The following SDK1 variants were observed in gnomAD, a reference collection of about 807,000 sequenced individuals.
SDK1 encodes sidekick cell adhesion molecule 1.
Under a neutral mutation model 245.5 loss-of-function variants are expected in SDK1, and 157 were observed. That is an observed-to-expected ratio of 0.64 (90% CI 0.56 to 0.73). SDK1 has a LOEUF of 0.73. SDK1 is among the 30% of genes least tolerant of loss of function. The pLI, the probability that SDK1 is intolerant of heterozygous loss-of-function variation, is 0.00. For missense variants in SDK1, 3,583 were observed against 3,002.3 expected, an observed-to-expected ratio of 1.19 and a Z score of -4.52; for synonymous variants, 1,647 against 1,278.5, an observed-to-expected ratio of 1.29 and a Z score of -6.15.
At position 4,213,011 on chromosome 7, in the gene SDK1, G is replaced by T. The variant is rs144004704; in HGVS notation, c.5539+2849G>T. Among the ~76,000 whole-genome samples, 1,189 of 152,262 alleles carry T rather than the reference G, an allele frequency of 7.8e-3. 50 individuals carry two copies. The highest frequency in any genetic ancestry group is 9.3e-3 in the East Asian group (48 of 5,168). The stretch of plus-strand genomic sequence containing the variant: ...TGTGAGAAAGTGCTTCATGGGCTGG[G>T]CGCAGGGGCCTGTAATCCCAGCACT... On this transcript the variant is annotated intron_variant, in intron 38 of 44. Coordinates refer to ENST00000404826, the MANE Select transcript of SDK1 (RefSeq NM_152744.4).
chr7:3,352,814 A>T (rs374965985), intron 1 of SDK1, among the ~76,000 whole-genome samples: 5 of 152,072 alleles, frequency 3.3e-5, no homozygotes, highest in African/African-American at 1.2e-4. Context: ...GCATGAAAAA[A>T]TTGAGGTATT....
chr7:3,768,814 C>G (rs1310637274), intron 4 of SDK1, among the ~76,000 whole-genome samples: 1 of 152,296 alleles, frequency 6.6e-6, no homozygotes, highest in East Asian at 1.9e-4. Flanking sequence ...CTCATTCTAC[C>G]CTCTCCATGA....
At chr7:3,308,410 CT>C (rs1302504490) in intron 1 of SDK1, among the ~76,000 whole-genome samples, 2 of 152,068 alleles carry the variant, frequency 1.3e-5, no homozygotes, top group African/African-American at 4.8e-5. Context: ...TCATTAGGGG[CT>C]TTTAGTAAAA....
intron 1 of SDK1, among the ~76,000 whole-genome samples, chr7:3,548,667 C>T (rs1336638176): frequency 6.6e-6 from 1 of 152,220 alleles, no homozygotes; most frequent in Admixed American, 6.5e-5. Flanking sequence ...TCCAGAAAGG[C>T]TGTGCTAAAT....
intron 1 of SDK1, among the ~76,000 whole-genome samples, chr7:3,607,396 C>T (rs766786500): frequency 1.4e-4 from 21 of 152,164 alleles, no homozygotes; most frequent in Non-Finnish European, 2.5e-4. Context: ...TTAGTAAAAC[C>T]GACTATACTA....
At chr7:4,122,366 G>GT (rs1784121844) in intron 25 of SDK1, among the ~76,000 whole-genome samples, 1 of 152,166 alleles carries the variant, frequency 6.6e-6, no homozygotes, top group Admixed American at 6.6e-5. Flanking sequence ...GGGCTGAATG[G>GT]TGAGTGGACC....
Position 3,624,425 on chromosome 7 carries a change from C to G in SDK1, c.458+5186C>G, listed in dbSNP as rs192391735. On this transcript the variant is annotated intron_variant, in intron 2 of 44. Coordinates refer to ENST00000404826, the MANE Select transcript of SDK1 (RefSeq NM_152744.4). ...TGTTGCCTAGGCTGGTCTCAAACTC[C>G]TGGCCTCAAGTGATCTGCCAGCCTT... Among the ~76,000 whole-genome samples, 591 of 152,186 alleles carry G rather than the reference C, an allele frequency of 3.9e-3. 6 individuals are homozygous for G. Among genetic ancestry groups the G allele is most frequent in the African/African-American group, 0.013 (536 of 41,540 alleles).
At chr7:3,323,995 G>A (rs532990151) in intron 1 of SDK1, among the ~76,000 whole-genome samples, 1 of 152,280 alleles carries the variant, frequency 6.6e-6, no homozygotes, top group Admixed American at 6.5e-5. Flanking sequence ...ATTCCTCTGT[G>A]TGTTACAAGA....
Position 4,150,565 on chromosome 7 carries a change from C to A in SDK1, c.4625+1102C>A, listed in dbSNP as rs574405355. ...AAAGTCGGTCATTTGCTCATATCCC[C>A]CACCCAGCCTCCGTGGCGCCCAGCC... is the stretch of plus-strand genomic sequence containing the variant. On this transcript the variant is annotated intron_variant, in intron 30 of 44. Transcript: ENST00000404826. Among the ~76,000 whole-genome samples, 7 of 152,316 alleles carry A rather than the reference C, an allele frequency of 4.6e-5. No homozygotes were observed. In the East Asian group the frequency reaches 1.4e-3, roughly 29 times the overall value.
intron 13 of SDK1, among the ~76,000 whole-genome samples, chr7:3,978,855 C>G (rs1286312968): frequency 6.6e-6 from 1 of 152,200 alleles, no homozygotes; most frequent in African/African-American, 2.4e-5. Flanking sequence ...TTCTCCTTGC[C>G]TCTCCACTTC....
At chr7:3,803,850 C>T (rs866892787) in intron 4 of SDK1, among the ~76,000 whole-genome samples, 7 of 150,990 alleles carry the variant, frequency 4.6e-5, no homozygotes, top group South Asian at 2.1e-4. Context: ...CTGCAAGCTC[C>T]GCCTCCCATG....
At position 4,110,784 on chromosome 7, in the gene SDK1, A is replaced by G. The variant is rs1288420638; in HGVS notation, c.3434+12A>G. ...TACACTCACTACAGGTGAGAACAGC[A>G]GTGATAAGCTGTTACAGGAGGAAAC... On this transcript the variant is annotated intron_variant, in intron 23 of 44. Transcript: ENST00000404826. The G allele has an allele frequency of 1.3e-6, 2 of 1,564,460 alleles. No homozygotes were observed. The highest frequency in any genetic ancestry group is 2.2e-5 in the East Asian group (1 of 44,652).
chr7:3,459,426 T>C (rs1780769397), intron 1 of SDK1, among the ~76,000 whole-genome samples: 1 of 152,198 alleles, frequency 6.6e-6, no homozygotes, highest in African/African-American at 2.4e-5. Flanking sequence ...GATATAGTGC[T>C]GGATGTAGCC....
intron 1 of SDK1, among the ~76,000 whole-genome samples, chr7:3,599,468 A>G (rs554796305): frequency 2.8e-4 from 43 of 152,248 alleles, no homozygotes; most frequent in African/African-American, 1.0e-3. Context: ...GAAGGTTTTA[A>G]TATTGATAAG....
At chr7:4,110,385 G>C (rs1200573482) in intron 22 of SDK1, among the ~76,000 whole-genome samples, 2 of 152,214 alleles carry the variant, frequency 1.3e-5, no homozygotes, top group African/African-American at 4.8e-5. Context: ...TCAGAGGTTT[G>C]TTCCCAGGGG....
In SDK1 at chr7:4,079,460, T is replaced by C. The variant is rs753074439; in HGVS notation, c.3203-3T>C. On this transcript the variant is annotated splice_region_variant and splice_polypyrimidine_tract_variant and intron_variant, in intron 21 of 44. Coordinates refer to ENST00000404826, the MANE Select transcript of SDK1 (RefSeq NM_152744.4). ...CTCCCTTTCCTCCCTGGTTCCTCTC[T>C]AGACCTTCCTGGTGCCCCATCCAAC... 7 of 1,614,222 alleles carry C rather than the reference T, an allele frequency of 4.3e-6. No individual in the cohort carries two copies. The South Asian group carries it at 5.5e-5, about 13-fold the overall frequency.
At chr7:4,056,815 C>A (rs902372695) in intron 19 of SDK1, among the ~76,000 whole-genome samples, 20 of 152,090 alleles carry the variant, frequency 1.3e-4, no homozygotes, top group Non-Finnish European at 2.6e-4. Flanking sequence ...GTGGGTCCCA[C>A]CAGACCATTC....
chr7:3,363,794 C>T (rs749983297), intron 1 of SDK1, among the ~76,000 whole-genome samples: 72 of 152,334 alleles, frequency 4.7e-4, no homozygotes, highest in Non-Finnish European at 9.8e-4. Flanking sequence ...TCCACTGCTC[C>T]CCTCCTGCTG....
At chr7:3,865,289 C>T (rs1002007792) in intron 5 of SDK1, among the ~76,000 whole-genome samples, 14 of 152,080 alleles carry the variant, frequency 9.2e-5, no homozygotes, top group African/African-American at 3.4e-4. Flanking sequence ...ATGGGTTGGC[C>T]TAAAGGGTGA....
Sources: allele counts gnomAD v4.1 joint callset (sites outside exome capture counted in the v4.1 genomes callset), GRCh38; gene constraint gnomAD v4.1.1; transcripts MANE v1.5; gene names NCBI Gene and HGNC (gene_info 2026-07-23, HGNC 2026-07-21).